BABAM2: variants seen among roughly 807,000 people sequenced by gnomAD.
The protein encoded by BABAM2 is BRISC and BRCA1-A complex member 2.
BABAM2 carries 31 observed loss-of-function variants against 54.7 expected under a neutral mutation model. That is an observed-to-expected ratio of 0.57 (90% CI 0.43 to 0.77). The LOEUF (loss-of-function observed/expected upper bound fraction) is 0.77, where lower values mean the gene tolerates loss of function less well. Among genes scored for constraint, BABAM2 ranks in the 30% least tolerant of loss-of-function variants. The pLI is 0.00. For synonymous variants in BABAM2, 167 were observed against 162.9 expected, an observed-to-expected ratio of 1.03 and a Z score of -0.19; for missense variants, 364 against 455.8, an observed-to-expected ratio of 0.80 and a Z score of 1.83.
chr2:28,245,894 G>A (rs17006632), intron 10 of BABAM2, among the ~76,000 whole-genome samples: 19,479 of 152,100 alleles, frequency 0.13, 1,481 homozygotes, highest in African/African-American at 0.21. Flanking sequence ...GATTTGCTTT[G>A]GTTAAAATAG....
chr2:27,971,798 A>G (rs556569472), intron 3 of BABAM2, among the ~76,000 whole-genome samples: 4 of 152,228 alleles, frequency 2.6e-5, no homozygotes, highest in East Asian at 3.9e-4. Flanking sequence ...CAACAATCAT[A>G]GAAAGGTTGA....
chr2:27,945,164 C>T (rs890977227), intron 3 of BABAM2, among the ~76,000 whole-genome samples: 18 of 151,998 alleles, frequency 1.2e-4, no homozygotes, highest in African/African-American at 3.4e-4. Context: ...GGACTACAGG[C>T]ACATACTACC....
chr2:28,068,900 G>A (rs1206462368), intron 6 of BABAM2, among the ~76,000 whole-genome samples: 1 of 152,142 alleles, frequency 6.6e-6, no homozygotes, highest in Non-Finnish European at 1.5e-5. Context: ...CTTTTTCTCC[G>A]CTTTTATTTC....
intron 4 of BABAM2, among the ~76,000 whole-genome samples, chr2:27,992,713 G>C (rs1354624747): frequency 6.6e-6 from 1 of 152,118 alleles, no homozygotes; most frequent in African/African-American, 2.4e-5. Context: ...TTATGCTATA[G>C]CTGTCACCCA....
At chr2:28,015,549 A>G (rs1289766558) in intron 4 of BABAM2, among the ~76,000 whole-genome samples, 1 of 152,206 alleles carries the variant, frequency 6.6e-6, no homozygotes, top group African/African-American at 2.4e-5. Context: ...CTGGAAGAGA[A>G]AAAAATAGAT....
chr2:27,934,434 C>T (rs1668343894), intron 3 of BABAM2, among the ~76,000 whole-genome samples: 1 of 152,098 alleles, frequency 6.6e-6, no homozygotes, highest in South Asian at 2.1e-4. Flanking sequence ...TTCCTTTCTC[C>T]CTCTTCTTGG....
intron 7 of BABAM2, among the ~76,000 whole-genome samples, chr2:28,141,063 C>T (rs1172178534): frequency 2.6e-5 from 4 of 152,128 alleles, no homozygotes; most frequent in Non-Finnish European, 4.4e-5. Flanking sequence ...ATCATGGGGA[C>T]TCTACCCTCA....
chr2:28,190,614 G>A (rs1333366595), intron 7 of BABAM2, among the ~76,000 whole-genome samples: 1 of 152,182 alleles, frequency 6.6e-6, no homozygotes, highest in African/African-American at 2.4e-5. Flanking sequence ...TTGAACTCGG[G>A]AGGCAGAGTT....
intron 6 of BABAM2, among the ~76,000 whole-genome samples, chr2:28,046,477 A>G (rs1209652104): frequency 6.6e-6 from 1 of 152,108 alleles, no homozygotes; most frequent in Non-Finnish European, 1.5e-5. Flanking sequence ...AAAAAACAAC[A>G]GATAAAAAAC....
chr2:28,112,186 C>CTTCCTTCCTT lies in BABAM2; in HGVS notation c.571-17085_571-17084insTTCCTTCCTT, dbSNP rs1558347217. On this transcript the variant is annotated intron_variant, in intron 6 of 11. Transcript: ENST00000379624. ...CCCTCCCTCCCTCCCTCCCTCCCTC[C>CTTCCTTCCTT]CTCCCTCCCTCCCTTCCTTCCTTCC... Among the ~76,000 whole-genome samples the CTTCCTTCCTT allele has an allele frequency of 1.3e-3, 97 of 76,252 alleles. 7 individuals carry two copies. Among genetic ancestry groups the CTTCCTTCCTT allele is most frequent in the African/African-American group, 4.3e-3 (75 of 17,530 alleles). 50.0% of individuals were successfully genotyped at this position (76,252 alleles called of 152,430 possible). A position where few individuals can be genotyped will look rare whatever the true frequency, so the allele number is the denominator to read the frequency against.
At position 28,105,570 on chromosome 2, in the gene BABAM2, C is replaced by T. The variant is rs114680781; in HGVS notation, c.571-23701C>T. 8.6e-3 allele frequency among the ~76,000 whole-genome samples: 1,311 copies of T among 152,266 alleles called. 15 individuals are homozygous for T. Among genetic ancestry groups the T allele is most frequent in the African/African-American group, 0.03 (1,240 of 41,546 alleles). On this transcript the variant is annotated intron_variant, in intron 6 of 11. Transcript: ENST00000379624. Reference sequence around the variant, plus strand: ...GAAGATCCTGAACATTTTGCTTAATCTCCTTGAGAAAAGTTCAAATCTTCA... The same window carrying T: ...GAAGATCCTGAACATTTTGCTTAATTTCCTTGAGAAAAGTTCAAATCTTCA...
chr2:27,974,271 T>TC (rs1280251659), intron 3 of BABAM2, among the ~76,000 whole-genome samples: 1 of 152,082 alleles, frequency 6.6e-6, no homozygotes, highest in African/African-American at 2.4e-5. Flanking sequence ...TAGGCCAGTA[T>TC]CCCTCATTTG....
At chr2:28,004,564 G>C (rs1673816152) in intron 4 of BABAM2, among the ~76,000 whole-genome samples, 1 of 152,154 alleles carries the variant, frequency 6.6e-6, no homozygotes. Flanking sequence ...ATCTAAAATA[G>C]TCTACCAGAG....
intron 3 of BABAM2, among the ~76,000 whole-genome samples, chr2:27,985,991 C>T (rs1057054111): frequency 5.9e-4 from 90 of 152,158 alleles, no homozygotes; most frequent in African/African-American, 2.1e-3. Context: ...AGGCTTCATA[C>T]AAGAGACAAT....
At chr2:27,915,012 T>C (rs963163152) in intron 2 of BABAM2, among the ~76,000 whole-genome samples, 1 of 152,106 alleles carries the variant, frequency 6.6e-6, no homozygotes, top group Non-Finnish European at 1.5e-5. Context: ...TATTCTTCTC[T>C]TTGTTTCCCT....
At position 28,239,029 on chromosome 2, in the gene BABAM2, A is replaced by G. The variant is rs184668568; in HGVS notation, c.780+1728A>G. Among the ~76,000 whole-genome samples the G allele has an allele frequency of 1.8e-4, 27 of 152,290 alleles. No homozygotes were observed. In the East Asian group the frequency reaches 3.3e-3, roughly 18 times the overall value. On this transcript the variant is annotated intron_variant, in intron 8 of 11. Transcript: ENST00000379624. ...AATTTCCATAATTATATTGGAATCT[A>G]TCTTTATAGCCAGTTTTGTTGTGGG...
At chr2:28,106,962 A>G (rs1163870812) in intron 6 of BABAM2, among the ~76,000 whole-genome samples, 1 of 152,108 alleles carries the variant, frequency 6.6e-6, no homozygotes, top group Admixed American at 6.5e-5. Context: ...AATTCAACAC[A>G]CTGGGTTCAT....
chr2:28,327,154 A>G, intron 11 of BABAM2: 1 of 1,069,054 alleles, frequency 9.4e-7, no homozygotes, highest in South Asian at 1.7e-5. Flanking sequence ...TGAACGCCAG[A>G]GAAAGAAGCT....
chr2:28,061,690 T>C (rs768349613), intron 6 of BABAM2, among the ~76,000 whole-genome samples: 8 of 151,608 alleles, frequency 5.3e-5, no homozygotes, highest in Non-Finnish European at 7.4e-5. Context: ...CCATGTAAAG[T>C]TTAACTCAAA....
Sources: allele counts gnomAD v4.1 joint callset (sites outside exome capture counted in the v4.1 genomes callset), GRCh38; gene constraint gnomAD v4.1.1; transcripts MANE v1.5; gene names NCBI Gene and HGNC (gene_info 2026-07-23, HGNC 2026-07-21).